The following PIK3C2G variants were observed in gnomAD, a reference collection of about 807,000 sequenced individuals.
The protein encoded by PIK3C2G is phosphatidylinositol 3-kinase C2 domain-containing subunit gamma.
In PIK3C2G, 168 loss-of-function variants were observed where a neutral mutation model predicts 181.1. The ratio of observed to expected loss-of-function variants is 0.93; its 90% CI spans 0.82 to 1.05. The LOEUF is 1.05. PIK3C2G is among the 50% of genes least tolerant of loss of function. The pLI, the probability that PIK3C2G is intolerant of heterozygous loss-of-function variation, is 0.00. For missense variants in PIK3C2G, 1,869 were observed against 1,732.8 expected, an observed-to-expected ratio of 1.08 and a Z score of -1.40; for synonymous variants, 573 against 592.2, an observed-to-expected ratio of 0.97 and a Z score of 0.47.
chr12:18,512,736 C>A (rs1432304733), intron 24 of PIK3C2G, among the ~76,000 whole-genome samples: 3 of 151,832 alleles, frequency 2.0e-5, no homozygotes, highest in Non-Finnish European at 4.4e-5. Flanking sequence ...ATGTCACCAG[C>A]AAATAGAAAC....
At chr12:18,326,279 C>G (rs1951342833) in intron 8 of PIK3C2G, among the ~76,000 whole-genome samples, 1 of 152,122 alleles carries the variant, frequency 6.6e-6, no homozygotes, top group Non-Finnish European at 1.5e-5. Context: ...TTTCTTACAG[C>G]TTCTTCTTCC....
intron 32 of PIK3C2G, among the ~76,000 whole-genome samples, chr12:18,644,793 C>T (rs542112770): frequency 6.6e-6 from 1 of 152,284 alleles, no homozygotes; most frequent in Non-Finnish European, 1.5e-5. Flanking sequence ...TCTCCTCCCA[C>T]GCAGTACCCC....
chr12:18,485,083 T>A (rs1337937918), intron 18 of PIK3C2G, among the ~76,000 whole-genome samples: 1 of 152,100 alleles, frequency 6.6e-6, no homozygotes, highest in Non-Finnish European at 1.5e-5. Context: ...CCACAGAAAA[T>A]ACACACGTGA....
intron 24 of PIK3C2G, among the ~76,000 whole-genome samples, chr12:18,519,921 C>T (rs1592475202): frequency 1.3e-5 from 2 of 150,204 alleles, no homozygotes; most frequent in Admixed American, 1.3e-4. Flanking sequence ...TGATGAAATC[C>T]CTCACCTTCT....
the PIK3C2G span, among the ~76,000 whole-genome samples, chr12:18,717,305 T>C: frequency 6.6e-6 from 1 of 152,162 alleles, no homozygotes; most frequent in Admixed American, 6.5e-5. Flanking sequence ...AATTGGGCTG[T>C]CTTTACAGAA....
intron 31 of PIK3C2G, among the ~76,000 whole-genome samples, chr12:18,615,092 A>G (rs547958182): frequency 3.8e-4 from 57 of 151,918 alleles, no homozygotes; most frequent in African/African-American, 1.3e-3. Flanking sequence ...ACTGTACCCA[A>G]TGTGTAGTCT....
At chr12:18,539,096 C>T (rs1331755831) in intron 25 of PIK3C2G, among the ~76,000 whole-genome samples, 1 of 151,920 alleles carries the variant, frequency 6.6e-6, no homozygotes, top group Non-Finnish European at 1.5e-5. Context: ...TGATTTAGAG[C>T]TTCCAGATGA....
chr12:18,399,820 T>C lies in PIK3C2G; in HGVS notation c.2288T>C (p.Leu763Ser). Residue 763 changes from leucine (L) to serine (S), a missense_variant, in exon 16 of 33, where the codon TTA becomes TCA. Transcript: ENST00000538779. ...ILRRWTFSQP[L>S]EALGLLTSSF... ...AGAAGATGGACATTTTCTCAACCTT[T>C]AGAGGCTCTTGGGCTTTTGACTTCC... The C allele has an allele frequency of 6.3e-7, 1 of 1,599,448 alleles. No homozygotes were observed. Among genetic ancestry groups the C allele is most frequent in the East Asian group, 2.2e-5 (1 of 44,714 alleles).
intron 23 of PIK3C2G, 149 bp from the exon 24 acceptor site, chr12:18,505,143 T>G (rs1941737519): frequency 1.7e-6 from 1 of 583,514 alleles, no homozygotes; most frequent in Admixed American, 3.4e-5. Flanking sequence ...ATCAGCTGCT[T>G]AACTGTACCC....
At chr12:18,679,687 T>C in the PIK3C2G span, among the ~76,000 whole-genome samples, 3 of 152,014 alleles carry the variant, frequency 2.0e-5, no homozygotes, top group Non-Finnish European at 4.4e-5. Flanking sequence ...CTGGCTAACG[T>C]TGCAGATATT....
chr12:18,514,622 T>G (rs959216551), intron 24 of PIK3C2G, among the ~76,000 whole-genome samples: 3 of 151,898 alleles, frequency 2.0e-5, no homozygotes, highest in Non-Finnish European at 4.4e-5. Flanking sequence ...ATTTGTTTAT[T>G]TGTTATGGCA....
chr12:18,546,297 C>T (rs1400310546), intron 25 of PIK3C2G, 26 bp from the exon 26 acceptor site: 4 of 1,301,092 alleles, frequency 3.1e-6, no homozygotes, highest in Admixed American at 1.9e-5. Flanking sequence ...CTTCTTTTTG[C>T]TTTGCTTGTT....
At chr12:18,685,949 A>T in the PIK3C2G span, among the ~76,000 whole-genome samples, 1 of 151,966 alleles carries the variant, frequency 6.6e-6, no homozygotes, top group Non-Finnish European at 1.5e-5. Flanking sequence ...CAGGATACCA[A>T]ATTTGATAGT....
At chr12:18,348,084 T>C (rs1272499874) in intron 11 of PIK3C2G, among the ~76,000 whole-genome samples, 1 of 151,958 alleles carries the variant, frequency 6.6e-6, no homozygotes, top group Non-Finnish European at 1.5e-5. Flanking sequence ...TAACCATCAA[T>C]AAATACTCCT....
At chr12:18,365,938 C>T (rs1045756714) in intron 12 of PIK3C2G, among the ~76,000 whole-genome samples, 5 of 152,196 alleles carry the variant, frequency 3.3e-5, no homozygotes, top group Admixed American at 3.3e-4. Flanking sequence ...TTCAGAAAAT[C>T]TTAATGGCTC....
downstream of PIK3C2G, among the ~76,000 whole-genome samples, chr12:18,650,401 AT>A (rs63132060): frequency 0.031 from 4,233 of 136,486 alleles, 185 homozygotes; most frequent in African/African-American, 0.093. Flanking sequence ...ATACACACAC[AT>A]TTTTTTTTTA....
At chr12:18,683,999 T>C in the PIK3C2G span, 4 of 1,096,310 alleles carry the variant, frequency 3.6e-6, no homozygotes, top group South Asian at 1.4e-5. Flanking sequence ...AGAAAAAATA[T>C]GTGTCAATAC....
At chr12:18,553,407 G>C (rs1370902978) in intron 26 of PIK3C2G, among the ~76,000 whole-genome samples, 3 of 152,002 alleles carry the variant, frequency 2.0e-5, no homozygotes, top group African/African-American at 7.2e-5. Flanking sequence ...CTGGTTCCTT[G>C]ATTCAGTTTG....
At chr12:18,460,209 A>C (rs1468869258) in intron 18 of PIK3C2G, among the ~76,000 whole-genome samples, 1 of 152,202 alleles carries the variant, frequency 6.6e-6, no homozygotes, top group African/African-American at 2.4e-5. Context: ...AAATGTTTCT[A>C]AACCTCTCTG....
Sources: allele counts gnomAD v4.1 joint callset (sites outside exome capture counted in the v4.1 genomes callset), GRCh38; gene constraint gnomAD v4.1.1; transcripts MANE v1.5; gene names NCBI Gene and HGNC (gene_info 2026-07-23, HGNC 2026-07-21).